The following MYH11 variants were observed in gnomAD, a reference collection of about 807,000 sequenced individuals.
MYH11 encodes the protein myosin heavy chain 11.
In MYH11, 80 loss-of-function variants were observed where a neutral mutation model predicts 246.6. That is an observed-to-expected ratio of 0.32 (90% CI 0.27 to 0.39). The LOEUF is 0.39. Among genes scored for constraint, MYH11 ranks in the 10% least tolerant of loss-of-function variants. The probability of loss-of-function intolerance (pLI) is 1.00; values close to 1 mark genes in which losing one functional copy is unlikely to be tolerated. For synonymous variants in MYH11, 1,071 were observed against 1,015.5 expected (o/e 1.05, Z -1.04); for missense variants, 2,158 against 2,546.8 (o/e 0.85, Z 3.29).
chr16:15,816,353 C>A (rs1195838944), intron 3 of MYH11, among the ~76,000 whole-genome samples: 1 of 151,736 alleles, frequency 6.6e-6, no homozygotes, highest in Non-Finnish European at 1.5e-5. Flanking sequence ...AGGAGATTAA[C>A]ACATTTAGAA....
chr16:15,799,184 G>A (rs764403619), intron 3 of MYH11, among the ~76,000 whole-genome samples: 1 of 152,068 alleles, frequency 6.6e-6, no homozygotes, highest in Non-Finnish European at 1.5e-5. Flanking sequence ...GAAGCATCCT[G>A]TGGTCCTTGA....
At chr16:15,822,116 T>A (rs907931163) in intron 3 of MYH11, among the ~76,000 whole-genome samples, 2 of 152,198 alleles carry the variant, frequency 1.3e-5, no homozygotes, top group Admixed American at 1.3e-4. Flanking sequence ...GGGGCACTTA[T>A]ACCTGAGTCC....
At chr16:15,763,741 T>TCCGCCCCCCCCCCCCC in intron 10 of MYH11, 55 bp downstream of exon 10, 2 of 646,828 alleles carry the variant, frequency 3.1e-6, no homozygotes, top group East Asian at 3.2e-5. Context: ...AAATGTCACC[T>TCCGCCCCCCCCCCCCC]CCCCCACCCC....
In MYH11 at chr16:15,806,770, G is replaced by A. The variant is rs1050911505; in HGVS notation, c.503-8083C>T. Among the ~76,000 whole-genome samples, 5 of 90,188 alleles carry A rather than the reference G, an allele frequency of 5.5e-5. No homozygotes were observed. In the South Asian group the frequency reaches 1.0e-3, roughly 18 times the overall value. The allele number at this position is 90,188 out of a possible 152,430, so 59.2% of individuals were successfully genotyped here. A position where few individuals can be genotyped will look rare whatever the true frequency, so the allele number is the denominator to read the frequency against. ...TCCCCTGAACCAATGAGCTCCTGAA[G>A]GTACAAGGAACAATGCCTGACACAC... On this transcript the variant is annotated intron_variant, in intron 3 of 40. Transcript: ENST00000300036.
intron 3 of MYH11, among the ~76,000 whole-genome samples, chr16:15,808,943 G>A (rs1027893018): frequency 2.0e-5 from 3 of 151,986 alleles, no homozygotes; most frequent in Non-Finnish European, 4.4e-5. Flanking sequence ...CCAGTGAAGG[G>A]GTGTAGGAGA....
intron 28 of MYH11, 119 bp downstream of exon 28, chr16:15,726,729 C>A: frequency 8.3e-7 from 1 of 1,211,814 alleles, no homozygotes; most frequent in Non-Finnish European, 1.2e-6. Context: ...AGGAACGCAA[C>A]TAGAGGAAAG....
At chr16:15,842,762 C>CAAAAAAAAAA (rs757920488) in intron 1 of MYH11, among the ~76,000 whole-genome samples, 1 of 19,674 alleles carries the variant, frequency 5.1e-5, no homozygotes, top group Non-Finnish European at 1.4e-4. Context: ...AGACTTCATC[C>CAAAAAAAAAA]AAAAAAAAAA....
Position 15,704,140 on chromosome 16 carries a change from AAC to A in MYH11, c.5787-19_5787-18del. 6.2e-7 allele frequency: 1 copy of A among 1,613,764 alleles called. No homozygotes were observed. On this transcript the variant is annotated intron_variant, in intron 40 of 40. Transcript: ENST00000300036. ...TTTCCTCGCCTGTGGGTTGTAAGAA[AAC>A]ACATTATTTAGCAAAGAAATCTTCA...
chr16:15,817,606 C>T (rs78908227), intron 3 of MYH11, among the ~76,000 whole-genome samples: 20,967 of 152,122 alleles, frequency 0.14, 1,487 homozygotes, highest in East Asian at 0.15. Flanking sequence ...CTTCTCTTCC[C>T]ATACCCTCAA....
intron 35 of MYH11, 123 bp from the exon 36 acceptor site, chr16:15,719,431 C>T (rs1015481365): frequency 2.2e-5 from 32 of 1,473,532 alleles, no homozygotes; most frequent in South Asian, 5.7e-5. Context: ...GGGGAGGCCC[C>T]GTGAATACAT....
In MYH11 at chr16:15,715,024, C is replaced by T. The variant is rs756666289; in HGVS notation, c.5671G>A (p.Glu1891Lys). The T allele has an allele frequency of 1.2e-6, 2 of 1,613,896 alleles. No individual in the cohort carries two copies. The change falls in exon 40 of 41, where the codon GAG becomes AAG. Residue 1891 changes from glutamate to lysine, a missense_variant. This residue lies in a region of MYH11 where 1,013 missense variants were observed against 993.5 expected (regional missense o/e 1.02). Transcript: ENST00000300036. ...QLKRQLEEAE[E>K]ESQRINANRR... is the part of the protein sequence containing the mutation. ...TTGGCGTTGATGCGCTGGGACTCCT[C>T]CTCTGCCTCCTCCAGCTGCCTCTTG...
chr16:15,768,457 C>A (rs752657717), intron 9 of MYH11, among the ~76,000 whole-genome samples: 1 of 152,128 alleles, frequency 6.6e-6, no homozygotes, highest in Non-Finnish European at 1.5e-5. Context: ...GACCCACCCC[C>A]TTCTCCATAG....
At chr16:15,727,166 C>T in intron 27 of MYH11, 112 bp from the exon 28 acceptor site, 1 of 883,338 alleles carries the variant, frequency 1.1e-6, no homozygotes, top group Non-Finnish European at 1.9e-6. Context: ...CAACAGGGGG[C>T]ACACAATCAC....
intron 1 of MYH11, among the ~76,000 whole-genome samples, chr16:15,847,622 A>G (rs781607322): frequency 2.0e-5 from 3 of 152,208 alleles, no homozygotes; most frequent in Non-Finnish European, 2.9e-5. Context: ...AGCAAAAGCT[A>G]CAACAGAAAA....
intron 5 of MYH11, chr16:15,786,260 G>A (rs530585120): frequency 2.6e-6 from 1 of 388,470 alleles, no homozygotes. Flanking sequence ...TCGAGGCCAG[G>A]GATGTTGTGA....
intron 3 of MYH11, among the ~76,000 whole-genome samples, chr16:15,802,085 A>G (rs752106687): frequency 6.6e-6 from 1 of 152,230 alleles, no homozygotes; most frequent in Non-Finnish European, 1.5e-5. Context: ...ATGAACACAT[A>G]CAATCTTTTC....
chr16:15,800,597 TTGGA>T (rs138132973), intron 3 of MYH11, among the ~76,000 whole-genome samples: 37,182 of 142,864 alleles, frequency 0.26, 4,867 homozygotes, highest in Non-Finnish European at 0.28. Context: ...GGTAAATGAG[TTGGA>T]TGGATGGATG....
At chr16:15,847,959 T>C (rs2044238644) in intron 1 of MYH11, among the ~76,000 whole-genome samples, 1 of 152,068 alleles carries the variant, frequency 6.6e-6, no homozygotes, top group Non-Finnish European at 1.5e-5. Context: ...AGTGGCGCAG[T>C]CAAGGTCAAA....
chr16:15,849,795 G>A (rs961514332), intron 1 of MYH11, among the ~76,000 whole-genome samples: 25 of 152,138 alleles, frequency 1.6e-4, no homozygotes, highest in African/African-American at 5.6e-4. Flanking sequence ...TTAGCCTCTG[G>A]AAGACCTTAG....
Sources: allele counts gnomAD v4.1 joint callset (sites outside exome capture counted in the v4.1 genomes callset), GRCh38; gene constraint gnomAD v4.1.1; regional missense constraint gnomAD v4.1.1; transcripts MANE v1.5; gene names NCBI Gene and HGNC (gene_info 2026-07-23, HGNC 2026-07-21).